The following CCDC112 variants were observed in gnomAD, a reference collection of about 807,000 sequenced individuals.
CCDC112 encodes the protein coiled-coil domain containing 112, also known as coiled-coil domain-containing protein 112.
A neutral mutation model predicts 66.3 loss-of-function variants in CCDC112; 40 were observed. That is an observed-to-expected ratio of 0.60 (90% CI 0.47 to 0.79). The LOEUF (loss-of-function observed/expected upper bound fraction) is 0.79. Among genes scored for constraint, CCDC112 ranks in the 30% least tolerant of loss-of-function variants. The probability of loss-of-function intolerance (pLI) is 0.00; values close to 1 mark genes in which losing one functional copy is unlikely to be tolerated. For synonymous variants in CCDC112, 214 were observed against 197.2 expected (o/e 1.09, Z -0.71); for missense variants, 659 against 603.8 (o/e 1.09, Z -0.96).
chr5:115,296,294 C>T, intron 1 of CCDC112, 133 bp downstream of exon 1: 30 of 1,336,158 alleles, frequency 2.2e-5, no homozygotes, highest in Non-Finnish European at 2.9e-5. Context: ...GAGCAACGCC[C>T]AGCGCGTGCC....
chr5:115,283,417 A>G (rs1749539120), intron 2 of CCDC112, among the ~76,000 whole-genome samples: 1 of 152,110 alleles, frequency 6.6e-6, no homozygotes, highest in East Asian at 1.9e-4. Context: ...TTCACTTAAC[A>G]TAATGAAAAT....
chr5:115,276,199 T>C, intron 4 of CCDC112, 130 bp from the exon 5 acceptor site: 1 of 627,672 alleles, frequency 1.6e-6, no homozygotes, highest in Non-Finnish European at 2.7e-6. Flanking sequence ...AAGAAAGTTG[T>C]GCTCAAAAGT....
At chr5:115,293,558 A>T (rs888906645) in intron 1 of CCDC112, among the ~76,000 whole-genome samples, 38 of 152,094 alleles carry the variant, frequency 2.5e-4, no homozygotes, top group African/African-American at 9.2e-4. Context: ...AGCATCTAGA[A>T]CCACCTTAAT....
Position 115,269,014 on chromosome 5 carries a change from T to C in CCDC112, c.1429-14A>G, listed in dbSNP as rs781508688. 2 of 1,443,312 alleles carry C rather than the reference T, an allele frequency of 1.4e-6. No homozygotes were observed. The highest frequency in any genetic ancestry group is 1.2e-5 in the South Asian group (1 of 82,854). 89.4% of individuals were successfully genotyped at this position (1,443,312 alleles called of 1,614,324 possible). A position where few individuals can be genotyped will look rare whatever the true frequency, so the allele number is the denominator to read the frequency against. ...ATTGTTTTCAACCTGTAATCAGAAG[T>C]AAAATAGTACCAGTTAATTATACAA... On this transcript the variant is annotated splice_polypyrimidine_tract_variant and intron_variant, in intron 8 of 9. Coordinates refer to ENST00000379611, the MANE Select transcript of CCDC112 (RefSeq NM_001040440.3).
At chr5:115,283,644 G>C (rs1749550114) in intron 2 of CCDC112, among the ~76,000 whole-genome samples, 2 of 152,154 alleles carry the variant, frequency 1.3e-5, no homozygotes, top group South Asian at 4.1e-4. Flanking sequence ...AAAGACAAAA[G>C]TATTATGTAA....
At position 115,271,437 on chromosome 5, in the gene CCDC112, A is replaced by T; in HGVS notation, c.1108T>A (p.Ser370Thr). ...AWKKQKSIEM[S>T]MKCASQLKEE... ...TTTAACTGGGAAGCACATTTCATTG[A>T]CATTTCTATACTTTTCTGTTTCTTC... is the stretch of plus-strand genomic sequence containing the variant. The change falls in exon 7 of 10, where the codon TCA becomes ACA. Residue 370 changes from serine to threonine, a missense_variant. By Grantham distance (58) the Ser-to-Thr change is moderately conservative (BLOSUM62 1). Coordinates refer to ENST00000379611, the MANE Select transcript of CCDC112 (RefSeq NM_001040440.3). 1 of 1,609,380 alleles carries T rather than the reference A, an allele frequency of 6.2e-7. No individual in the cohort carries two copies. The highest frequency in any genetic ancestry group is 8.5e-7 in the Non-Finnish European group (1 of 1,179,092).
chr5:115,293,179 A>T (rs1580812248), intron 1 of CCDC112, among the ~76,000 whole-genome samples: 1 of 152,298 alleles, frequency 6.6e-6, no homozygotes. Flanking sequence ...GCTGGTGGGG[A>T]GGGCAAGGAA....
At chr5:115,276,205 A>G (rs1275184278) in intron 4 of CCDC112, 136 bp from the exon 5 acceptor site, 2 of 615,374 alleles carry the variant, frequency 3.3e-6, no homozygotes, top group African/African-American at 3.8e-5. Flanking sequence ...GTTGTGCTCA[A>G]AAGTGAATTT....
At chr5:115,268,807 A>G (rs1748875981) in intron 9 of CCDC112, 75 bp downstream of exon 9, 2 of 620,704 alleles carry the variant, frequency 3.2e-6, no homozygotes, top group African/African-American at 1.9e-5. Flanking sequence ...TATAATTTAC[A>G]TATAGTAAGT....
In CCDC112 at chr5:115,271,612, C is replaced by A; in HGVS notation, c.933G>T (p.Trp311Cys). Residue 311 changes from tryptophan to cysteine, a missense_variant, in exon 7 of 10, where the codon TGG (tryptophan) becomes TGT (cysteine). Coordinates refer to ENST00000379611, the MANE Select transcript of CCDC112 (RefSeq NM_001040440.3). ...CCCTTTTTTGCTGCTTTTTAGTTTT[C>A]CAAATCTGAATTGACTAAATGATTT... ...EERKKESIQI[W>C]KTKKQQKREE... 2.0e-6 allele frequency: 3 copies of A among 1,519,848 alleles called. No individual in the cohort carries two copies. The highest frequency in any genetic ancestry group is 1.3e-5 in the South Asian group (1 of 74,762). 94.1% of individuals were successfully genotyped at this position (1,519,848 alleles called of 1,614,324 possible).
chr5:115,283,666 A>G (rs1158822579), intron 2 of CCDC112, among the ~76,000 whole-genome samples: 1 of 152,110 alleles, frequency 6.6e-6, no homozygotes, highest in African/African-American at 2.4e-5. Context: ...TGCAAGGAGA[A>G]TTTAGTCTCC....
intron 1 of CCDC112, chr5:115,296,208 C>T: frequency 2.3e-6 from 3 of 1,278,382 alleles, no homozygotes; most frequent in Non-Finnish European, 3.0e-6. Context: ...AGCCGGGTTC[C>T]CACCCAGGTC....
Position 115,271,399 on chromosome 5 carries a change from C to A in CCDC112, c.1146G>T (p.Glu382Asp), listed in dbSNP as rs1561493321. Residue 382 changes from glutamate to aspartate, a missense_variant, in exon 7 of 10, where the codon GAG (glutamate) becomes GAT (aspartate). Transcript: ENST00000379611. ...KCASQLKEEE[E>D]KEKKHQKERQ... ...GTTCTTTCTGATGTTTTTTCTCTTT[C>A]TCTTCTTCTTCTTTTAACTGGGAAG... 1 of 1,608,154 alleles carries A rather than the reference C, an allele frequency of 6.2e-7. No homozygotes were observed. Among genetic ancestry groups the A allele is most frequent in the East Asian group, 2.2e-5 (1 of 44,794 alleles).
intron 8 of CCDC112, chr5:115,269,462 G>C: frequency 2.2e-6 from 1 of 456,014 alleles, no homozygotes; most frequent in East Asian, 4.3e-5. Context: ...TAAATGACAA[G>C]TAGGGGGAAC....
At chr5:115,279,003 C>T (rs1352460454) in intron 3 of CCDC112, among the ~76,000 whole-genome samples, 2 of 152,014 alleles carry the variant, frequency 1.3e-5, no homozygotes, top group East Asian at 3.9e-4. Context: ...AACAAATATT[C>T]TCAAATTCTT....
chr5:115,290,964 T>A (rs915389590), intron 1 of CCDC112, among the ~76,000 whole-genome samples: 1 of 152,172 alleles, frequency 6.6e-6, no homozygotes, highest in African/African-American at 2.4e-5. Flanking sequence ...TCCTTTCCAA[T>A]ACGAATGCTT....
rs1392674784 is a variant in CCDC112, at chr5:115,267,241, G to A, written c.*635C>T. On this transcript the variant is annotated 3_prime_UTR_variant, in exon 10 of 10. Coordinates refer to ENST00000379611, the MANE Select transcript of CCDC112 (RefSeq NM_001040440.3). ...TCTGTGAAATCCAGAAAGGCTGAAG[G>A]AAAATTTGGAATTGCTGAAGGAAAC... 3 of 152,124 alleles carry A rather than the reference G, an allele frequency of 2.0e-5. No homozygotes were observed. In the East Asian group the frequency reaches 5.8e-4, roughly 29 times the overall value. The allele number at this position is 152,124 out of a possible 1,614,324, so 9.4% of individuals were successfully genotyped here. A position where few individuals can be genotyped will look rare whatever the true frequency, so the allele number is the denominator to read the frequency against.
intron 7 of CCDC112, among the ~76,000 whole-genome samples, chr5:115,270,594 C>T (rs13171411): frequency 4.1e-3 from 628 of 152,308 alleles, no homozygotes; most frequent in South Asian, 0.012. Context: ...AAACACACCA[C>T]TAATGCAAAC....
intron 1 of CCDC112, among the ~76,000 whole-genome samples, chr5:115,294,364 A>G (rs1192124951): frequency 2.0e-5 from 3 of 152,200 alleles, no homozygotes; most frequent in Admixed American, 6.5e-5. Context: ...TGTTCCTATA[A>G]GAAGAGATGC....
Sources: gnomAD v4.1 joint callset for allele counts (sites outside exome capture counted in the v4.1 genomes callset) on GRCh38, gnomAD v4.1.1 for gene constraint, MANE v1.5 for transcripts, NCBI Gene and HGNC (gene_info 2026-07-23, HGNC 2026-07-21) for gene names.